Variants in GPHN observed in about 807,000 individuals in gnomAD.
The protein encoded by GPHN is gephyrin.
In GPHN, 17 loss-of-function variants were observed where a neutral mutation model predicts 95.5. That is an observed-to-expected ratio of 0.18 (90% CI 0.12 to 0.27). The LOEUF (loss-of-function observed/expected upper bound fraction) is 0.27. Among genes scored for constraint, GPHN ranks in the 10% least tolerant of loss-of-function variants. The pLI is 1.00. For missense variants in GPHN, 660 were observed against 978.1 expected (o/e 0.67, Z 4.34); for synonymous variants, 320 against 322.5 (o/e 0.99, Z 0.08).
chr14:67,103,964 G>A (rs950459671), intron 13 of GPHN, among the ~76,000 whole-genome samples: 1 of 152,172 alleles, frequency 6.6e-6, no homozygotes, highest in Non-Finnish European at 1.5e-5. Flanking sequence ...CAGAGGAAAA[G>A]CTTTCAACTC....
At chr14:66,711,168 C>G (rs1426149456) in intron 2 of GPHN, among the ~76,000 whole-genome samples, 1 of 152,020 alleles carries the variant, frequency 6.6e-6, no homozygotes, top group African/African-American at 2.4e-5. Flanking sequence ...ACACTGCACC[C>G]TATTTGTAGT....
the GPHN span, chr14:67,573,398 C>T: frequency 6.8e-7 from 1 of 1,480,338 alleles, no homozygotes; most frequent in Non-Finnish European, 9.5e-7. The surrounding 1 kb of genome is among the most constrained non-coding windows in gnomAD (Gnocchi z 4.8). Context: ...TGAGAGTCTC[C>T]CCGCCCAGCA....
At chr14:66,776,924 A>G (rs2059401657) in intron 3 of GPHN, among the ~76,000 whole-genome samples, 1 of 152,076 alleles carries the variant, frequency 6.6e-6, no homozygotes, top group South Asian at 2.1e-4. Flanking sequence ...TTTAGGGTAC[A>G]TGTGCACAAT....
intron 1 of GPHN, among the ~76,000 whole-genome samples, chr14:66,610,095 A>G (rs572581637): frequency 3.3e-5 from 5 of 152,196 alleles, no homozygotes; most frequent in South Asian, 2.1e-4. Flanking sequence ...AGTATACTCA[A>G]TTGGCTTCTT....
chr14:67,514,535 T>G, the GPHN span, among the ~76,000 whole-genome samples: 1 of 152,048 alleles, frequency 6.6e-6, no homozygotes, highest in Admixed American at 6.5e-5. Context: ...AGTTTTTCCA[T>G]GCACCCTGGG....
intron 10 of GPHN, among the ~76,000 whole-genome samples, chr14:67,044,658 G>T (rs146807362): frequency 6.6e-6 from 1 of 152,176 alleles, no homozygotes; most frequent in African/African-American, 2.4e-5. Context: ...TGTTGTTGTT[G>T]TTTTAAAAGC....
At chr14:66,656,610 CTG>C (rs2065321212) in intron 1 of GPHN, among the ~76,000 whole-genome samples, 1 of 152,120 alleles carries the variant, frequency 6.6e-6, no homozygotes, top group Non-Finnish European at 1.5e-5. Context: ...CATTTTGTCT[CTG>C]TGTCACATTT....
the GPHN span, among the ~76,000 whole-genome samples, chr14:67,732,488 G>C: frequency 2.2e-4 from 30 of 137,474 alleles, no homozygotes; most frequent in Non-Finnish European, 3.7e-4. Flanking sequence ...TTTTATGTAA[G>C]AGAGAAAGAG....
chr14:66,913,878 ATACTT>A (rs2065790633), intron 5 of GPHN, among the ~76,000 whole-genome samples: 1 of 152,204 alleles, frequency 6.6e-6, no homozygotes, highest in African/African-American at 2.4e-5. Context: ...GTTTGTAAAA[ATACTT>A]TATTAATCCT....
chr14:67,561,343 G>A, the GPHN span, among the ~76,000 whole-genome samples: 1 of 152,166 alleles, frequency 6.6e-6, no homozygotes, highest in Non-Finnish European at 1.5e-5. Context: ...TCGACACTAG[G>A]AGTTTGAGAC....
the GPHN span, chr14:67,572,148 C>T: frequency 6.2e-7 from 1 of 1,606,674 alleles, no homozygotes; most frequent in South Asian, 1.1e-5. Context: ...TCTCCATGTC[C>T]TCACTGAGCT....
chr14:66,923,315 GT>G (rs910154507), intron 7 of GPHN, among the ~76,000 whole-genome samples: 1 of 151,806 alleles, frequency 6.6e-6, no homozygotes, highest in Non-Finnish European at 1.5e-5. Flanking sequence ...CAAACTGAAG[GT>G]AAAAGACCTT....
intron 9 of GPHN, among the ~76,000 whole-genome samples, chr14:67,004,310 G>A (rs1240261748): frequency 2.0e-5 from 3 of 151,594 alleles, no homozygotes; most frequent in African/African-American, 7.3e-5. Flanking sequence ...TTTTTCCTTG[G>A]TTGTTTATAC....
At chr14:67,523,119 T>C in the GPHN span, among the ~76,000 whole-genome samples, 1 of 152,024 alleles carries the variant, frequency 6.6e-6, no homozygotes, top group South Asian at 2.1e-4. Context: ...GGTCAGGAGT[T>C]CAAGACCAGC....
chr14:66,758,124 A>C (rs943370143), intron 2 of GPHN, among the ~76,000 whole-genome samples: 1 of 152,208 alleles, frequency 6.6e-6, no homozygotes, highest in South Asian at 2.1e-4. Context: ...TAGAAAACCA[A>C]TTAGGAAAGG....
the GPHN span, among the ~76,000 whole-genome samples, chr14:67,625,849 C>T: frequency 1.3e-5 from 2 of 151,358 alleles, no homozygotes; most frequent in Non-Finnish European, 2.9e-5. Context: ...AAATAACAAC[C>T]GTAAAAAGAC....
the GPHN span, among the ~76,000 whole-genome samples, chr14:67,592,935 G>A: frequency 1.3e-5 from 2 of 152,112 alleles, no homozygotes; most frequent in Admixed American, 6.5e-5. Flanking sequence ...ACAGGCGCTC[G>A]CCACCATGCC....
At chr14:67,040,866 T>A (rs1181514643) in intron 10 of GPHN, among the ~76,000 whole-genome samples, 1 of 152,216 alleles carries the variant, frequency 6.6e-6, no homozygotes, top group Non-Finnish European at 1.5e-5. Flanking sequence ...ATATTAACTT[T>A]GATCACTTGG....
chr14:67,539,224 A>G, the GPHN span, among the ~76,000 whole-genome samples: 2 of 152,276 alleles, frequency 1.3e-5, no homozygotes, highest in South Asian at 4.1e-4. Context: ...AGAGCCTTAC[A>G]AGGTTCTGTT....
Sources: gnomAD v4.1 joint callset for allele counts (sites outside exome capture counted in the v4.1 genomes callset) on GRCh38, gnomAD v4.1.1 for gene constraint, Gnocchi (gnomAD v3.1) non-coding constraint, MANE v1.5 for transcripts, NCBI Gene and HGNC (gene_info 2026-07-23, HGNC 2026-07-21) for gene names.